The following C13orf46 variants were observed in gnomAD, a reference collection of about 807,000 sequenced individuals.
The protein encoded by C13orf46 is chromosome 13 open reading frame 46, also known as uncharacterized protein C13orf46.
chr13:113,929,498 C>T, the C13orf46 span, among the ~76,000 whole-genome samples: 8 of 152,340 alleles, frequency 5.3e-5, no homozygotes, highest in East Asian at 9.6e-4. Flanking sequence ...CTGGGGGCCT[C>T]GACTGTCCGA....
At chr13:113,957,140 G>A (rs1566415634) in intron 6 of C13orf46, among the ~76,000 whole-genome samples, 2 of 151,334 alleles carry the variant, frequency 1.3e-5, no homozygotes, top group Admixed American at 1.3e-4. Context: ...AAGCACACTG[G>A]GGGGTCTCCC....
the C13orf46 span, chr13:113,927,153 T>C: frequency 5.6e-6 from 1 of 177,168 alleles, no homozygotes; most frequent in African/African-American, 2.4e-5. Context: ...CAGCTCCGCT[T>C]CCCTGTGGGG....
At chr13:113,940,279 G>A in the C13orf46 span, among the ~76,000 whole-genome samples, 24 of 152,354 alleles carry the variant, frequency 1.6e-4, no homozygotes, top group East Asian at 1.2e-3. Flanking sequence ...TAGACCCTGC[G>A]GTGCTGCCGC....
At chr13:113,972,043 C>T (rs1479047069) in intron 1 of C13orf46, among the ~76,000 whole-genome samples, 1 of 152,164 alleles carries the variant, frequency 6.6e-6, no homozygotes, top group African/African-American at 2.4e-5. Flanking sequence ...GGCCTCCCTG[C>T]TGCGGCACCT....
chr13:113,960,550 C>G (rs1295757317), intron 6 of C13orf46, among the ~76,000 whole-genome samples: 2 of 152,212 alleles, frequency 1.3e-5, no homozygotes, highest in Non-Finnish European at 2.9e-5. Context: ...AACTTTTTGT[C>G]AAGTCCTGCA....
At chr13:113,929,616 C>T in the C13orf46 span, among the ~76,000 whole-genome samples, 11 of 152,306 alleles carry the variant, frequency 7.2e-5, no homozygotes, top group African/African-American at 2.4e-4. Flanking sequence ...TGCTGGTCAC[C>T]GGGAGTGACC....
chr13:113,972,348 C>T (rs1269422976), intron 1 of C13orf46, among the ~76,000 whole-genome samples: 1 of 152,226 alleles, frequency 6.6e-6, no homozygotes, highest in African/African-American at 2.4e-5. Context: ...GATTTTTAAA[C>T]TCAGAGAAGA....
chr13:113,951,257 G>A (rs1232472996), downstream of C13orf46, among the ~76,000 whole-genome samples: 9 of 152,148 alleles, frequency 5.9e-5, no homozygotes, highest in South Asian at 2.1e-4. Context: ...TTTCCAGGAC[G>A]GAAACAGGCA....
intron 1 of C13orf46, among the ~76,000 whole-genome samples, chr13:113,970,598 G>C (rs139172136): frequency 0.011 from 1,614 of 152,208 alleles, 15 homozygotes; most frequent in Middle Eastern, 0.071. Context: ...TGAGCGGGAG[G>C]GTGGGAGAAG....
At chr13:113,930,922 G>A in the C13orf46 span, among the ~76,000 whole-genome samples, 1 of 152,224 alleles carries the variant, frequency 6.6e-6, no homozygotes, top group Non-Finnish European at 1.5e-5. Flanking sequence ...GGCAAGAGGC[G>A]GGGTGGGTCA....
downstream of C13orf46, among the ~76,000 whole-genome samples, chr13:113,949,056 G>C (rs948034790): frequency 3.9e-5 from 6 of 152,212 alleles, no homozygotes; most frequent in Admixed American, 3.3e-4. Flanking sequence ...ACTCCTGGGA[G>C]GGGCCAGAGA....
At chr13:113,958,655 G>C (rs897338696) in intron 6 of C13orf46, among the ~76,000 whole-genome samples, 1 of 152,234 alleles carries the variant, frequency 6.6e-6, no homozygotes, top group East Asian at 1.9e-4. Context: ...GACGGCTCGC[G>C]GGCGACAGCC....
the C13orf46 span, among the ~76,000 whole-genome samples, chr13:113,944,435 G>A: frequency 6.6e-6 from 1 of 152,244 alleles, no homozygotes; most frequent in Non-Finnish European, 1.5e-5. Flanking sequence ...CCGATGGGGA[G>A]AAAGGTCCTC....
the C13orf46 span, among the ~76,000 whole-genome samples, chr13:113,945,567 AAGAAAGAAAGAG>A: frequency 5.2e-5 from 5 of 95,918 alleles, no homozygotes; most frequent in Non-Finnish European, 1.2e-4. Flanking sequence ...GAAAGAAAGA[AAGAAAGAAAGAG>A]AGAGAGAGAG....
chr13:113,968,256 G>A (rs1032084645), intron 4 of C13orf46, among the ~76,000 whole-genome samples: 1 of 152,148 alleles, frequency 6.6e-6, no homozygotes, highest in Non-Finnish European at 1.5e-5. Flanking sequence ...GGCAAGCAGG[G>A]GTCAGGCTGC....
intron 6 of C13orf46, among the ~76,000 whole-genome samples, chr13:113,961,225 C>T (rs1446153219): frequency 6.6e-6 from 1 of 152,034 alleles, no homozygotes; most frequent in African/African-American, 2.4e-5. Flanking sequence ...ATAAATGATA[C>T]TAAATCTTCT....
At chr13:113,942,479 G>A in the C13orf46 span, among the ~76,000 whole-genome samples, 1 of 152,200 alleles carries the variant, frequency 6.6e-6, no homozygotes, top group Non-Finnish European at 1.5e-5. Flanking sequence ...ATTTGACCAG[G>A]AGACTCGGCA....
chr13:113,953,050 C>T (rs1312712951), downstream of C13orf46, among the ~76,000 whole-genome samples: 15 of 152,236 alleles, frequency 9.9e-5, no homozygotes, highest in East Asian at 1.9e-4. Flanking sequence ...TTGGCCTCAC[C>T]GCTGACCATC....
Position 113,955,435 on chromosome 13 carries a change from T to C in C13orf46, c.*1338A>G, listed in dbSNP as rs879135209. 61,377 of 122,100 alleles carry C rather than the reference T, an allele frequency of 0.5. 14,442 individuals are homozygous for C. The highest frequency in any genetic ancestry group is 0.57 in the Non-Finnish European group (35,514 of 62,672). 7.6% of individuals were successfully genotyped at this position (122,100 alleles called of 1,614,324 possible). A position where few individuals can be genotyped will look rare whatever the true frequency, so the allele number is the denominator to read the frequency against. ...GGTGACGAGGAGCATCCGGCGGAGA[T>C]GAGGAGCATCCGGTGGAGAGGAGGA... On this transcript the variant is annotated 3_prime_UTR_variant, in exon 7 of 7. Transcript: ENST00000636427.
Sources: gnomAD v4.1 joint callset for allele counts (sites outside exome capture counted in the v4.1 genomes callset) on GRCh38, gnomAD v4.1.1 for gene constraint, MANE v1.5 for transcripts, NCBI Gene and HGNC (gene_info 2026-07-23, HGNC 2026-07-21) for gene names.